Variants in SLC12A1 observed in about 807,000 individuals in gnomAD.
SLC12A1 encodes the protein Na-K-2Cl cotransporter.
Under a neutral mutation model 130.4 loss-of-function variants are expected in SLC12A1, and 89 were observed. That is an observed-to-expected ratio of 0.68 (90% CI 0.58 to 0.81). The LOEUF is 0.81. Among genes scored for constraint, SLC12A1 ranks in the 40% least tolerant of loss-of-function variants. The pLI is 0.00. For missense variants in SLC12A1, 1,310 were observed against 1,336.4 expected, an observed-to-expected ratio of 0.98 and a Z score of 0.31; for synonymous variants, 499 against 460.0, an observed-to-expected ratio of 1.08 and a Z score of -1.09.
intron 2 of SLC12A1, among the ~76,000 whole-genome samples, chr15:48,214,321 A>C (rs2041092799): frequency 6.6e-6 from 1 of 152,224 alleles, no homozygotes. Flanking sequence ...TAGTTTAGTA[A>C]TACATGGCAA....
chr15:48,231,063 T>C (rs936651100), intron 7 of SLC12A1, among the ~76,000 whole-genome samples: 2 of 152,206 alleles, frequency 1.3e-5, no homozygotes, highest in African/African-American at 4.8e-5. Flanking sequence ...CTCAAGTGAC[T>C]GGTGCAATTG....
Position 48,208,018 on chromosome 15 carries a change from CT to C in SLC12A1, c.303del (p.Phe101LeufsTer12). On this transcript the variant is annotated frameshift_variant, in exon 2 of 27. Coordinates refer to ENST00000380993, the MANE Select transcript of SLC12A1 (RefSeq NM_000338.3). LOFTEE classifies it high-confidence loss of function. Reference protein sequence around the residue: ...DSHTNTYYLQTFGHNTMDAVP... With the variant: ...DSHTNTYYLQXFGHNTMDAVP... The stretch of plus-strand genomic sequence containing the variant: ...CACACAAACACATACTATCTACAAA[CT>C]TTTGGCCACAACACCATGGATGCCG... 1 of 1,613,998 alleles carries C rather than the reference CT, an allele frequency of 6.2e-7. No homozygotes were observed. Among genetic ancestry groups the C allele is most frequent in the Non-Finnish European group, 8.5e-7 (1 of 1,179,878 alleles).
At chr15:48,235,117 G>T in intron 9 of SLC12A1, 113 bp downstream of exon 9, 2 of 1,119,942 alleles carry the variant, frequency 1.8e-6, no homozygotes, top group Non-Finnish European at 2.7e-6. Flanking sequence ...TCAAACTGTA[G>T]GTTTCTGCAA....
chr15:48,290,706 TTATGCATATATGCATA>T (rs200307690), intron 23 of SLC12A1, among the ~76,000 whole-genome samples: 1 of 152,060 alleles, frequency 6.6e-6, no homozygotes, highest in Non-Finnish European at 1.5e-5. Context: ...TGCATATATA[TTATGCATATATGCATA>T]TATGCATATA....
chr15:48,274,747 A>T lies in SLC12A1; in HGVS notation c.2485+94A>T, dbSNP rs2041933136. 3.1e-5 allele frequency: 24 copies of T among 763,002 alleles called. No homozygotes were observed. The East Asian group carries it at 6.3e-4, about 20-fold the overall frequency. The allele number at this position is 763,002 out of a possible 1,614,324, so 47.3% of individuals were successfully genotyped here. A position where few individuals can be genotyped will look rare whatever the true frequency, so the allele number is the denominator to read the frequency against. ...GGATACAGCAGGGCACAATATAGAC[A>T]AAACTCCTTGACAGTGGAGCTTACA... On this transcript the variant is annotated intron_variant, in intron 20 of 26. Coordinates refer to ENST00000380993, the MANE Select transcript of SLC12A1 (RefSeq NM_000338.3).
rs1242481583 is a variant in SLC12A1 at position 48,220,915 on chromosome 15, C to G, written c.553-6C>G. On this transcript the variant is annotated splice_polypyrimidine_tract_variant and splice_region_variant and intron_variant, in intron 3 of 26. Transcript: ENST00000380993. The stretch of plus-strand genomic sequence containing the variant: ...TGTCTCCTTTCAATACCGCTTCTAT[C>G]CACAGGTAAGATGCATGCTGAACAT... The G allele has an allele frequency of 5.0e-6, 8 of 1,613,762 alleles. No homozygotes were observed. Among genetic ancestry groups the G allele is most frequent in the Non-Finnish European group, 6.8e-6 (8 of 1,179,778 alleles).
Position 48,232,853 on chromosome 15 carries a change from T to G in SLC12A1, c.1087+15T>G. On this transcript the variant is annotated intron_variant, in intron 8 of 26. Transcript: ENST00000380993. ...TAATTACCAAGGTACATGGAATAAATTGGTTGCTTTTCATTAAATACTTCT... is the reference window on the plus strand; with the variant it reads ...TAATTACCAAGGTACATGGAATAAAGTGGTTGCTTTTCATTAAATACTTCT... The G allele has an allele frequency of 6.7e-7, 1 of 1,502,108 alleles. No homozygotes were observed. The highest frequency in any genetic ancestry group is 2.3e-5 in the East Asian group (1 of 44,270). 93.0% of individuals were successfully genotyped at this position (1,502,108 alleles called of 1,614,324 possible).
chr15:48,300,254 C>G (rs953462604), intron 25 of SLC12A1, among the ~76,000 whole-genome samples: 1 of 151,536 alleles, frequency 6.6e-6, no homozygotes, highest in Non-Finnish European at 1.5e-5. Flanking sequence ...TCACTTGAGC[C>G]CAGGGGGCAG....
intron 15 of SLC12A1, among the ~76,000 whole-genome samples, chr15:48,254,617 AAAAAAAAAAAAAAC>A (rs1478686206): frequency 3.3e-4 from 37 of 113,684 alleles, no homozygotes; most frequent in East Asian, 1.5e-3. Flanking sequence ...AAAAAAAAAA[AAAAAAAAAAAAAAC>A]CCAAAAAAGA....
rs539067398 is a variant in SLC12A1 at position 48,215,424 on chromosome 15, A to T, written c.421-5210A>T. Among the ~76,000 whole-genome samples the T allele has an allele frequency of 2.0e-5, 3 of 152,340 alleles. No individual in the cohort carries two copies. In the South Asian group the frequency reaches 6.2e-4, roughly 32 times the overall value. On this transcript the variant is annotated intron_variant, in intron 2 of 26. Coordinates refer to ENST00000380993, the MANE Select transcript of SLC12A1 (RefSeq NM_000338.3). ...TAGTAAATAAATAATCATTCCCTAAAGCTACATAATTTAGAATACATTTAT... is the reference window on the plus strand; with the variant it reads ...TAGTAAATAAATAATCATTCCCTAATGCTACATAATTTAGAATACATTTAT...
chr15:48,241,610 C>T lies in SLC12A1; in HGVS notation c.1300+11C>T, dbSNP rs757043174. 1.0e-5 allele frequency: 16 copies of T among 1,590,176 alleles called. No individual in the cohort carries two copies. Among genetic ancestry groups the T allele is most frequent in the Admixed American group, 1.7e-5 (1 of 59,962 alleles). On this transcript the variant is annotated intron_variant, in intron 10 of 26. Coordinates refer to ENST00000380993, the MANE Select transcript of SLC12A1 (RefSeq NM_000338.3). ...TTGCAATTTGTGTAGGTAAGTGGTA[C>T]GTCTCCAGTGTCAGAATGTCAGAAT...
intron 24 of SLC12A1, among the ~76,000 whole-genome samples, chr15:48,298,869 A>C (rs916193594): frequency 7.9e-5 from 12 of 152,214 alleles, no homozygotes; most frequent in Non-Finnish European, 1.3e-4. Flanking sequence ...TAATATTGTA[A>C]GTATGTATGC....
chr15:48,247,555 G>A, intron 13 of SLC12A1, 95 bp downstream of exon 13: 1 of 985,580 alleles, frequency 1.0e-6, no homozygotes, highest in Non-Finnish European at 1.5e-6. Flanking sequence ...CTCGTTTTAT[G>A]TTTAGGATCC....
At chr15:48,257,344 G>A (rs529590893) in intron 16 of SLC12A1, among the ~76,000 whole-genome samples, 2 of 152,296 alleles carry the variant, frequency 1.3e-5, no homozygotes, top group East Asian at 3.9e-4. Context: ...CTAGAGGACT[G>A]TGGTCCTCTT....
intron 16 of SLC12A1, among the ~76,000 whole-genome samples, chr15:48,257,021 A>G (rs990335297): frequency 6.6e-6 from 1 of 152,216 alleles, no homozygotes; most frequent in Non-Finnish European, 1.5e-5. Context: ...CAATGGGGAT[A>G]CAGGCATTTG....
At chr15:48,248,137 C>T (rs1355946667) in intron 13 of SLC12A1, among the ~76,000 whole-genome samples, 1 of 152,160 alleles carries the variant, frequency 6.6e-6, no homozygotes, top group South Asian at 2.1e-4. Context: ...GGAAAAGAAG[C>T]AGAAGGCAGA....
At chr15:48,264,713 A>G (rs1049326072) in intron 17 of SLC12A1, among the ~76,000 whole-genome samples, 2 of 152,164 alleles carry the variant, frequency 1.3e-5, no homozygotes, top group Non-Finnish European at 2.9e-5. Flanking sequence ...ACAAAGACAG[A>G]CTAATAAGAC....
At chr15:48,220,373 G>A (rs570778141) in intron 2 of SLC12A1, among the ~76,000 whole-genome samples, 1 of 152,098 alleles carries the variant, frequency 6.6e-6, no homozygotes, top group Admixed American at 6.6e-5. Flanking sequence ...TTCACCAGAA[G>A]AAATATTCTC....
At chr15:48,220,157 A>AGAT (rs1206434297) in intron 2 of SLC12A1, among the ~76,000 whole-genome samples, 2 of 150,968 alleles carry the variant, frequency 1.3e-5, no homozygotes, top group African/African-American at 2.4e-5. Context: ...ATAGATAGAT[A>AGAT]GATAGATAGA....
Sources: allele counts gnomAD v4.1 joint callset (sites outside exome capture counted in the v4.1 genomes callset), GRCh38; gene constraint gnomAD v4.1.1; transcripts MANE v1.5; gene names NCBI Gene and HGNC (gene_info 2026-07-23, HGNC 2026-07-21).